HERC4: variants seen among roughly 807,000 people sequenced by gnomAD.
HERC4 encodes the protein probable E3 ubiquitin-protein ligase HERC4.
A neutral mutation model predicts 124.3 loss-of-function variants in HERC4; 28 were observed. The ratio of observed to expected loss-of-function variants is 0.23; its 90% CI spans 0.17 to 0.31. The LOEUF (loss-of-function observed/expected upper bound fraction) is 0.31, where lower values mean the gene tolerates loss of function less well. Among genes scored for constraint, HERC4 ranks in the 10% least tolerant of loss-of-function variants. The pLI, the probability that HERC4 is intolerant of heterozygous loss-of-function variation, is 1.00. For missense variants in HERC4, 713 were observed against 1,229.3 expected (o/e 0.58, Z 6.28); for synonymous variants, 407 against 421.5 (o/e 0.97, Z 0.42).
chr10:67,947,329 A>G (rs2033444791), intron 19 of HERC4, among the ~76,000 whole-genome samples: 1 of 152,232 alleles, frequency 6.6e-6, no homozygotes, highest in Non-Finnish European at 1.5e-5. Flanking sequence ...AAACTATACT[A>G]AGACAAAACA....
At chr10:67,941,147 AAAT>A (rs761826993) in intron 19 of HERC4, 42 bp from the exon 20 acceptor site, 3 of 1,350,034 alleles carry the variant, frequency 2.2e-6, no homozygotes, top group Middle Eastern at 2.2e-4. Flanking sequence ...CTCCAAGTTA[AAAT>A]ATTAAATTTT....
rs1376450530 is a variant in HERC4 at position 67,954,990 on chromosome 10, C to T, written c.2166G>A (p.Lys722=). Residue 722 remains lysine (K), a synonymous_variant, in exon 18 of 25, where the codon AAG becomes AAA. Coordinates refer to ENST00000373700, the MANE Select transcript of HERC4 (RefSeq NM_015601.4). ...TGAGTGGCTTCTTGTAATCTATGTT[C>T]TTTGTTTTCCTAAGGACTTCCATTG... The part of the protein sequence containing the change: ...GDAMEVLRKT[K]NIDYKKPLKV... 3 of 1,603,044 alleles carry T rather than the reference C, an allele frequency of 1.9e-6. No homozygotes were observed. The highest frequency in any genetic ancestry group is 2.6e-6 in the Non-Finnish European group (3 of 1,176,162).
chr10:67,937,967 C>A (rs1417532952), intron 21 of HERC4, among the ~76,000 whole-genome samples: 1 of 151,798 alleles, frequency 6.6e-6, no homozygotes, highest in Non-Finnish European at 1.5e-5. Context: ...CAGACGTGAG[C>A]CACTGTGCCC....
intron 15 of HERC4, among the ~76,000 whole-genome samples, chr10:67,984,301 CAAA>C (rs928310831): frequency 8.8e-5 from 6 of 67,816 alleles, no homozygotes; most frequent in Admixed American, 3.5e-4. Context: ...GACTCCATCT[CAAA>C]AAAAAAAAAA....
chr10:67,992,085 C>T lies in HERC4; in HGVS notation c.1271+114G>A, dbSNP rs931391249. Reference sequence around the variant, plus strand: ...AGCTAATTGTATTTTTTTGTAGAGACAGGGTTTTGCCATGTTGCCCAGGCT... The same window carrying T: ...AGCTAATTGTATTTTTTTGTAGAGATAGGGTTTTGCCATGTTGCCCAGGCT... On this transcript the variant is annotated intron_variant, in intron 11 of 24. Coordinates refer to ENST00000373700, the MANE Select transcript of HERC4 (RefSeq NM_015601.4). 2.1e-5 allele frequency: 19 copies of T among 908,370 alleles called. No homozygotes were observed. The African/African-American group carries it at 3.0e-4, about 14-fold the overall frequency. 56.3% of individuals were successfully genotyped at this position (908,370 alleles called of 1,614,324 possible).
At chr10:67,988,978 G>A in intron 14 of HERC4, 143 bp from the exon 15 acceptor site, 1 of 623,244 alleles carries the variant, frequency 1.6e-6, no homozygotes, top group Non-Finnish European at 2.8e-6. Context: ...AATATCTTAT[G>A]TAACATTTGT....
At chr10:68,038,838 C>T (rs1205109119) in intron 4 of HERC4, among the ~76,000 whole-genome samples, 1 of 152,120 alleles carries the variant, frequency 6.6e-6, no homozygotes, top group African/African-American at 2.4e-5. Flanking sequence ...TCCTTCCCCC[C>T]TTTCCTGAGT....
intron 3 of HERC4, among the ~76,000 whole-genome samples, 183 bp downstream of exon 3, chr10:68,072,697 AAAG>A (rs1178368050): frequency 6.6e-6 from 1 of 152,130 alleles, no homozygotes; most frequent in Non-Finnish European, 1.5e-5. Flanking sequence ...TAGTAAAAAA[AAAG>A]AAACCACAAC....
intron 23 of HERC4, among the ~76,000 whole-genome samples, chr10:67,927,111 A>G (rs548000169): frequency 1.3e-5 from 2 of 152,306 alleles, no homozygotes; most frequent in African/African-American, 4.8e-5. Flanking sequence ...TTAGTTGCAC[A>G]CAAGTTTGAA....
chr10:67,990,841 T>A, intron 13 of HERC4, 63 bp downstream of exon 13: 1 of 1,001,656 alleles, frequency 1.0e-6, no homozygotes, highest in Non-Finnish European at 1.5e-6. Flanking sequence ...GCTATAAACG[T>A]ATAAAACAAA....
At position 68,022,500 on chromosome 10, in the gene HERC4, A is replaced by AAAATAAATAAAT. The variant is rs34560535; in HGVS notation, c.908+3034_908+3045dup. On this transcript the variant is annotated intron_variant, in intron 8 of 24. Transcript: ENST00000373700. ...AGCAACAAGAGCAAAACTCCATCTC[A>AAAATAAATAAAT]AAATAAATAAATAAATAAATAAATA... Among the ~76,000 whole-genome samples the AAAATAAATAAAT allele has an allele frequency of 4.3e-3, 622 of 143,958 alleles. 2 individuals carry two copies. The highest frequency in any genetic ancestry group is 0.027 in the East Asian group (126 of 4,728). The allele number at this position is 143,958 out of a possible 152,430, so 94.4% of individuals were successfully genotyped here.
At chr10:67,942,628 C>T (rs2033010186) in intron 19 of HERC4, among the ~76,000 whole-genome samples, 1 of 152,140 alleles carries the variant, frequency 6.6e-6, no homozygotes, top group African/African-American at 2.4e-5. Context: ...TCTCCTGGCT[C>T]AGCCTCCCGG....
intron 4 of HERC4, chr10:68,039,336 A>C: frequency 7.5e-6 from 11 of 1,467,550 alleles, no homozygotes; most frequent in Non-Finnish European, 9.0e-6. Context: ...AAAAAAAAAG[A>C]AAGAAAGAAA....
intron 3 of HERC4, chr10:68,069,955 T>C (rs1276686277): frequency 6.1e-6 from 3 of 490,112 alleles, no homozygotes; most frequent in Non-Finnish European, 7.9e-6. Context: ...GGCAGGAGAA[T>C]CGCTTGAACC....
At chr10:67,939,684 GA>G in intron 20 of HERC4, 30 bp from the exon 21 acceptor site, 3 of 1,379,448 alleles carry the variant, frequency 2.2e-6, no homozygotes, top group Non-Finnish European at 3.0e-6. Flanking sequence ...TTTCTGAGAG[GA>G]AAAAATTATT....
intron 3 of HERC4, among the ~76,000 whole-genome samples, chr10:68,059,602 TAATATTATATATCATA>T: frequency 1.2e-5 from 1 of 84,780 alleles, no homozygotes; most frequent in African/African-American, 6.3e-5. Flanking sequence ...TTATATATCA[TAATATTATATATCATA>T]ATATTATATA....
intron 19 of HERC4, among the ~76,000 whole-genome samples, chr10:67,946,374 CACACACACACACACACACACACAA>C (rs1345842619): frequency 1.3e-5 from 2 of 150,944 alleles, no homozygotes; most frequent in African/African-American, 2.4e-5. Flanking sequence ...CACACACACA[CACACACACACACACACACACACAA>C]GACCCAATGA....
chr10:68,037,752 T>C (rs906187031), intron 5 of HERC4, among the ~76,000 whole-genome samples: 2 of 152,166 alleles, frequency 1.3e-5, no homozygotes, highest in Admixed American at 1.3e-4. Flanking sequence ...ATAAGACCTG[T>C]CCAGGGAAAA....
rs367708533 is a variant in HERC4, at chr10:68,063,328, G to A, written c.226+9555C>T. The stretch of plus-strand genomic sequence containing the variant: ...AGGTTCAAGCAATTCTCCTGCCTCA[G>A]CCTCCCGAGTAGCTGAGACTACAGG... On this transcript the variant is annotated intron_variant, in intron 3 of 24. Coordinates refer to ENST00000373700, the MANE Select transcript of HERC4 (RefSeq NM_015601.4). Among the ~76,000 whole-genome samples the A allele has an allele frequency of 5.3e-4, 81 of 152,132 alleles. 2 individuals are homozygous for A. In the South Asian group the frequency reaches 0.015, roughly 29 times the overall value.
Sources: gnomAD v4.1 joint callset for allele counts (sites outside exome capture counted in the v4.1 genomes callset) on GRCh38, gnomAD v4.1.1 for gene constraint, MANE v1.5 for transcripts, NCBI Gene and HGNC (gene_info 2026-07-23, HGNC 2026-07-21) for gene names.